The following XRN1 variants were observed in gnomAD, a reference collection of about 807,000 sequenced individuals.
XRN1 encodes 5'-3' exoribonuclease 1.
Under a neutral mutation model 222.3 loss-of-function variants are expected in XRN1, and 67 were observed. That is an observed-to-expected ratio of 0.30 (90% CI 0.25 to 0.37). The LOEUF is 0.37. Among genes scored for constraint, XRN1 ranks in the 10% least tolerant of loss-of-function variants. The pLI, the probability that XRN1 is intolerant of heterozygous loss-of-function variation, is 1.00. For missense variants in XRN1, 1,707 were observed against 2,000.2 expected, an observed-to-expected ratio of 0.85 and a Z score of 2.80; for synonymous variants, 643 against 652.4, an observed-to-expected ratio of 0.99 and a Z score of 0.22.
Position 142,433,258 on chromosome 3 carries a change from A to G in XRN1, c.76-365T>C, listed in dbSNP as rs554234255. Among the ~76,000 whole-genome samples, 27 of 152,332 alleles carry G rather than the reference A, an allele frequency of 1.8e-4. No homozygotes were observed. In the South Asian group the frequency reaches 5.6e-3, roughly 32 times the overall value. On this transcript the variant is annotated intron_variant, in intron 1 of 40. Transcript: ENST00000392981. Reference sequence around the variant, plus strand: ...ACTCCTCAAAACCTCAATTTCCTCTATAATGGGTAACAAAAAGCCCATTTA... The same window carrying G: ...ACTCCTCAAAACCTCAATTTCCTCTGTAATGGGTAACAAAAAGCCCATTTA...
rs1458045818 is a variant in XRN1 at position 142,307,662 on chromosome 3, A to C, written c.*3849T>G. The C allele has an allele frequency of 1.3e-5, 2 of 152,146 alleles. No homozygotes were observed. The allele number at this position is 152,146 out of a possible 1,614,324, so 9.4% of individuals were successfully genotyped here. A position where few individuals can be genotyped will look rare whatever the true frequency, so the allele number is the denominator to read the frequency against. ...GGAGACTTGATGCTGGTTCAACACT[A>C]TCTCTTACTGTATTGGAGAAGTTTG... is the stretch of plus-strand genomic sequence containing the variant. On this transcript the variant is annotated 3_prime_UTR_variant, in exon 41 of 41. Transcript: ENST00000392981.
chr3:142,446,736 G>A (rs1318400945), intron 1 of XRN1, among the ~76,000 whole-genome samples: 1 of 151,746 alleles, frequency 6.6e-6, no homozygotes, highest in Non-Finnish European at 1.5e-5. Context: ...CCTCCCCGGG[G>A]GAAAAAAATA....
chr3:142,426,773 G>A lies in XRN1; in HGVS notation c.377C>T (p.Ala126Val). 3 of 1,613,640 alleles carry A rather than the reference G, an allele frequency of 1.9e-6. No individual in the cohort carries two copies. Among genetic ancestry groups the A allele is most frequent in the Non-Finnish European group, 2.5e-6 (3 of 1,179,852 alleles). ...IEKGETLPTE[A>V]RFDSNCITPG... is the part of the protein sequence containing the mutation. ...TGTGATACAGTTGGAATCAAATCTG[G>A]CCTCTGTAGGAAGAGTTTCTCCCTT... The change falls in exon 3 of 41, where the codon GCC becomes GTC. Residue 126 changes from alanine to valine, a missense_variant. By Grantham distance (64) the Ala-to-Val change is moderately conservative. This residue lies in a region of XRN1 where 1,234 missense variants were observed against 1,518.2 expected (regional missense o/e 0.81). Transcript: ENST00000392981.
chr3:142,427,675 A>C (rs1277339476), intron 2 of XRN1, among the ~76,000 whole-genome samples: 1 of 152,202 alleles, frequency 6.6e-6, no homozygotes, highest in African/African-American at 2.4e-5. Context: ...CAACTGCAAA[A>C]TCATCACATT....
intron 39 of XRN1, among the ~76,000 whole-genome samples, chr3:142,316,342 A>C (rs779531045): frequency 3.5e-4 from 52 of 150,336 alleles, no homozygotes; most frequent in Non-Finnish European, 6.1e-4. Context: ...TCAGCCTCCC[A>C]AGTAGCTGGG....
intron 20 of XRN1, among the ~76,000 whole-genome samples, chr3:142,389,332 A>G (rs1450009816): frequency 6.6e-6 from 1 of 151,968 alleles, no homozygotes; most frequent in Non-Finnish European, 1.5e-5. Context: ...TGCTATTTCC[A>G]CCACATCTGC....
intron 33 of XRN1, among the ~76,000 whole-genome samples, chr3:142,337,824 G>A (rs944532053): frequency 6.6e-6 from 1 of 152,298 alleles, no homozygotes; most frequent in Admixed American, 6.5e-5. Context: ...AAATGTCAGA[G>A]TAAGGACCTC....
chr3:142,370,613 T>C lies in XRN1; in HGVS notation c.3076A>G (p.Lys1026Glu). The change falls in exon 27 of 41, where the codon AAA (lysine) becomes GAA (glutamate). Residue 1026 changes from lysine (K) to glutamate (E), a missense_variant. Physicochemically the swap from Lys to Glu is moderately conservative, Grantham distance 56. Around this residue, in one of 2 missense-constraint regions of XRN1, gnomAD observed 1,234 missense variants for 1,518.2 expected, o/e 0.81. Transcript: ENST00000392981. Reference protein sequence around the residue: ...WPGENENGAEKVQEIITWLKG... With the variant: ...WPGENENGAEEVQEIITWLKG... ...AGCCAAGTAATAATTTCTTGAACTT[T>C]TTCAGCACTAAAGCAAAAACAATAA... is the stretch of plus-strand genomic sequence containing the variant. 6.3e-7 allele frequency: 1 copy of C among 1,579,982 alleles called. No homozygotes were observed. Among genetic ancestry groups the C allele is most frequent in the Non-Finnish European group, 8.6e-7 (1 of 1,169,120 alleles).
intron 36 of XRN1, among the ~76,000 whole-genome samples, chr3:142,332,025 C>T (rs978435027): frequency 2.6e-5 from 4 of 152,194 alleles, no homozygotes; most frequent in Non-Finnish European, 5.9e-5. Flanking sequence ...ATCCGCCTGC[C>T]TCAGCTTCCC....
chr3:142,401,710 TCAAACAAA>T (rs761940718), intron 18 of XRN1, among the ~76,000 whole-genome samples: 1 of 152,052 alleles, frequency 6.6e-6, no homozygotes, highest in Non-Finnish European at 1.5e-5. Flanking sequence ...TGAGACTCTG[TCAAACAAA>T]CAAACAAACA....
intron 33 of XRN1, among the ~76,000 whole-genome samples, chr3:142,344,528 AT>A (rs2066085432): frequency 6.6e-6 from 1 of 152,188 alleles, no homozygotes; most frequent in Non-Finnish European, 1.5e-5. Flanking sequence ...AACTATCTCT[AT>A]TTGCAGAAGC....
chr3:142,327,436 GATGTA>G (rs1393696260), intron 37 of XRN1, among the ~76,000 whole-genome samples: 18 of 151,378 alleles, frequency 1.2e-4, no homozygotes, highest in African/African-American at 4.4e-4. Flanking sequence ...TGTGTTATCA[GATGTA>G]ATGACTCCTT....
At chr3:142,384,116 C>G (rs1211275133) in intron 21 of XRN1, among the ~76,000 whole-genome samples, 1 of 151,242 alleles carries the variant, frequency 6.6e-6, no homozygotes, top group Non-Finnish European at 1.5e-5. Flanking sequence ...TAAAAAATAC[C>G]AAAAAATTAG....
intron 32 of XRN1, among the ~76,000 whole-genome samples, chr3:142,348,308 TTAA>T (rs1343428698): frequency 1.3e-5 from 2 of 152,178 alleles, no homozygotes; most frequent in South Asian, 2.1e-4. Context: ...TTTATTGGGA[TTAA>T]TAACAATCCC....
At chr3:142,356,810 A>C (rs1435000131) in intron 31 of XRN1, 102 bp downstream of exon 31, 7 of 1,289,166 alleles carry the variant, frequency 5.4e-6, no homozygotes, top group Admixed American at 2.4e-5. Context: ...TTTTTAAATA[A>C]AAGAGGGAAA....
chr3:142,376,831 G>T (rs2067157667), intron 23 of XRN1, among the ~76,000 whole-genome samples: 1 of 152,060 alleles, frequency 6.6e-6, no homozygotes, highest in Non-Finnish European at 1.5e-5. Flanking sequence ...GGATAAAAGG[G>T]GGGAGGAAAT....
intron 32 of XRN1, among the ~76,000 whole-genome samples, chr3:142,353,064 TCTC>T (rs1342568308): frequency 6.6e-6 from 1 of 152,022 alleles, no homozygotes; most frequent in East Asian, 1.9e-4. Context: ...GCACTTTTTC[TCTC>T]TTCTTAATCT....
chr3:142,355,327 T>C (rs2066435913), intron 32 of XRN1, 74 bp downstream of exon 32: 3 of 743,414 alleles, frequency 4.0e-6, no homozygotes, highest in Admixed American at 3.6e-5. Flanking sequence ...AAAATAATCA[T>C]TGTAGTCTTA....
chr3:142,407,306 A>G (rs1019494898), intron 15 of XRN1, among the ~76,000 whole-genome samples: 2 of 152,172 alleles, frequency 1.3e-5, no homozygotes, highest in African/African-American at 4.8e-5. Context: ...CAAACATTTA[A>G]AAATTCAATG....
Sources: gnomAD v4.1 joint callset for allele counts (sites outside exome capture counted in the v4.1 genomes callset) on GRCh38, gnomAD v4.1.1 for gene constraint, gnomAD v4.1.1 regional missense constraint, MANE v1.5 for transcripts, NCBI Gene and HGNC (gene_info 2026-07-23, HGNC 2026-07-21) for gene names.